The following XRCC4 variants were observed in gnomAD, a reference collection of about 807,000 sequenced individuals.
XRCC4 encodes X-ray repair cross complementing 4.
Under a neutral mutation model 39.1 loss-of-function variants are expected in XRCC4, and 28 were observed. The ratio of observed to expected loss-of-function variants is 0.72; its 90% CI spans 0.53 to 0.98. The LOEUF is 0.98. Ranked by LOEUF, XRCC4 falls within the 50% of genes least tolerant of loss-of-function variation. XRCC4 has a pLI of 0.00. For missense variants in XRCC4, 350 were observed against 376.4 expected, an observed-to-expected ratio of 0.93 and a Z score of 0.58; for synonymous variants, 123 against 126.4, an observed-to-expected ratio of 0.97 and a Z score of 0.18.
At position 83,143,827 on chromosome 5, in the gene XRCC4, T is replaced by C. The variant is rs571114323; in HGVS notation, c.315+32624T>C. ...TTGTTCTTTTGCATGTAATTGTTTT[T>C]CCTTGACTGCTTTTAATATTTTCTC... On this transcript the variant is annotated intron_variant, in intron 3 of 7. Coordinates refer to ENST00000396027, the MANE Select transcript of XRCC4 (RefSeq NM_003401.5). Among the ~76,000 whole-genome samples, 7 of 152,262 alleles carry C rather than the reference T, an allele frequency of 4.6e-5. No homozygotes were observed. The South Asian group carries it at 1.2e-3, about 27-fold the overall frequency.
chr5:83,146,452 C>T (rs1468252547), intron 3 of XRCC4, among the ~76,000 whole-genome samples: 1 of 151,992 alleles, frequency 6.6e-6, no homozygotes, highest in Non-Finnish European at 1.5e-5. Context: ...AGCAGAAAAG[C>T]GCTTTAGGTT....
chr5:83,265,107 C>G (rs547321142), intron 7 of XRCC4, among the ~76,000 whole-genome samples: 2 of 152,186 alleles, frequency 1.3e-5, no homozygotes, highest in African/African-American at 4.8e-5. Flanking sequence ...TACCTTGATT[C>G]TTAAAAATTG....
At chr5:83,114,694 T>C (rs923212809) in intron 3 of XRCC4, among the ~76,000 whole-genome samples, 11 of 152,200 alleles carry the variant, frequency 7.2e-5, no homozygotes, top group Non-Finnish European at 1.5e-4. Context: ...TTCCAAACTT[T>C]CCCACATTTT....
downstream of XRCC4, among the ~76,000 whole-genome samples, chr5:83,355,877 AT>A (rs1359879251): frequency 1.3e-5 from 2 of 152,182 alleles, no homozygotes; most frequent in African/African-American, 4.8e-5. Context: ...ACCTCAAGTG[AT>A]CCGCCCACCT....
chr5:83,112,129 T>G (rs962338711), intron 3 of XRCC4, among the ~76,000 whole-genome samples: 1 of 151,980 alleles, frequency 6.6e-6, no homozygotes, highest in Non-Finnish European at 1.5e-5. Flanking sequence ...CTTAGTAATT[T>G]ATATTTAAAA....
At chr5:83,372,478 C>T in the XRCC4 span, among the ~76,000 whole-genome samples, 20 of 152,230 alleles carry the variant, frequency 1.3e-4, no homozygotes, top group African/African-American at 4.6e-4. Flanking sequence ...TGTCCTACTC[C>T]GAGGTTCCCA....
intron 7 of XRCC4, among the ~76,000 whole-genome samples, chr5:83,337,984 G>T (rs2112189940): frequency 6.6e-6 from 1 of 152,214 alleles, no homozygotes; most frequent in South Asian, 2.1e-4. Flanking sequence ...ATACTACTAA[G>T]ACATCTACTA....
chr5:83,264,254 A>G (rs1042583119), intron 7 of XRCC4, among the ~76,000 whole-genome samples: 7 of 152,278 alleles, frequency 4.6e-5, no homozygotes, highest in African/African-American at 1.4e-4. Context: ...CAAAGTGACT[A>G]TATCTATTAA....
chr5:83,247,639 T>G (rs900584058), intron 6 of XRCC4, among the ~76,000 whole-genome samples: 1 of 152,222 alleles, frequency 6.6e-6, no homozygotes, highest in Non-Finnish European at 1.5e-5. Flanking sequence ...TGAAGCTTTC[T>G]GTATTCATGA....
chr5:83,363,948 T>C, the XRCC4 span, among the ~76,000 whole-genome samples: 2 of 152,206 alleles, frequency 1.3e-5, no homozygotes, highest in African/African-American at 2.4e-5. Flanking sequence ...TTAGAAGCAG[T>C]GTTCACATTT....
chr5:83,170,882 C>G (rs765781561), intron 3 of XRCC4, among the ~76,000 whole-genome samples: 12 of 152,136 alleles, frequency 7.9e-5, no homozygotes, highest in Non-Finnish European at 1.6e-4. Flanking sequence ...TGAGAGCCAT[C>G]TTAGAGTTTT....
At chr5:83,333,481 TAAGA>T (rs1250336801) in intron 7 of XRCC4, among the ~76,000 whole-genome samples, 3 of 152,186 alleles carry the variant, frequency 2.0e-5, no homozygotes, top group Non-Finnish European at 4.4e-5. Flanking sequence ...ATTTTATGTG[TAAGA>T]AAGAGTTTGT....
chr5:83,094,884 CT>C (rs74373750), intron 1 of XRCC4, among the ~76,000 whole-genome samples: 6,189 of 127,888 alleles, frequency 0.048, 306 homozygotes, highest in African/African-American at 0.14. Flanking sequence ...ATTCTGAAAT[CT>C]TTTTTTTTTT....
chr5:83,241,803 ATAAAG>A (rs1452647553), intron 6 of XRCC4, among the ~76,000 whole-genome samples: 1 of 152,192 alleles, frequency 6.6e-6, no homozygotes, highest in African/African-American at 2.4e-5. Flanking sequence ...TATTCTTACA[ATAAAG>A]TAAGCTAGAG....
At chr5:83,154,558 A>G (rs1317507859) in intron 3 of XRCC4, among the ~76,000 whole-genome samples, 1 of 152,222 alleles carries the variant, frequency 6.6e-6, no homozygotes, top group East Asian at 1.9e-4. Context: ...AAGGAACTCA[A>G]GAACCAAAAT....
chr5:83,308,902 C>T (rs993036559), intron 7 of XRCC4, among the ~76,000 whole-genome samples: 9 of 151,920 alleles, frequency 5.9e-5, no homozygotes, highest in South Asian at 2.1e-4. Flanking sequence ...TTTTTATACT[C>T]GTGTAGGAAT....
At chr5:83,266,504 C>A (rs542743505) in intron 7 of XRCC4, among the ~76,000 whole-genome samples, 4 of 151,248 alleles carry the variant, frequency 2.6e-5, no homozygotes, top group Non-Finnish European at 4.4e-5. Flanking sequence ...AGAAAGAAAT[C>A]AGATATGAGA....
chr5:83,117,677 GTATGTA>G (rs1746799575), intron 3 of XRCC4, among the ~76,000 whole-genome samples: 2 of 140,540 alleles, frequency 1.4e-5, no homozygotes, highest in African/African-American at 6.1e-5. Flanking sequence ...GTGTGTGTAT[GTATGTA>G]TATGTATGTA....
At chr5:83,261,355 G>C in intron 7 of XRCC4, among the ~76,000 whole-genome samples, 1 of 151,662 alleles carries the variant, frequency 6.6e-6, no homozygotes, top group Middle Eastern at 3.2e-3. Flanking sequence ...ACATCAATTA[G>C]GTCATGTACC....
Sources: allele counts gnomAD v4.1 joint callset (sites outside exome capture counted in the v4.1 genomes callset), GRCh38; gene constraint gnomAD v4.1.1; transcripts MANE v1.5; gene names NCBI Gene and HGNC (gene_info 2026-07-23, HGNC 2026-07-21).